The following CENPP variants were observed in gnomAD, a reference collection of about 807,000 sequenced individuals.
CENPP encodes the protein centromere protein P.
A neutral mutation model predicts 35.6 loss-of-function variants in CENPP; 24 were observed. That is an observed-to-expected ratio of 0.67 (90% CI 0.49 to 0.95). The LOEUF (loss-of-function observed/expected upper bound fraction) is 0.95, where lower values mean the gene tolerates loss of function less well. Among genes scored for constraint, CENPP ranks in the 40% least tolerant of loss-of-function variants. CENPP has a pLI of 0.00. For synonymous variants in CENPP, 120 were observed against 125.5 expected, an observed-to-expected ratio of 0.96 and a Z score of 0.29; for missense variants, 332 against 345.3, an observed-to-expected ratio of 0.96 and a Z score of 0.31.
Position 92,615,967 on chromosome 9 carries a change from G to A in CENPP, c.*2818G>A. On this transcript the variant is annotated 3_prime_UTR_variant, in exon 8 of 8. Coordinates refer to ENST00000375587, the MANE Select transcript of CENPP (RefSeq NM_001012267.3). ...CGTCCAGTTTATACTGATGGGGAAT[G>A]CTCTCGTAGGGCTTGAGGTCAAGGT... is the stretch of plus-strand genomic sequence containing the variant. The A allele has an allele frequency of 6.2e-7, 1 of 1,614,094 alleles. No individual in the cohort carries two copies. The highest frequency in any genetic ancestry group is 1.1e-5 in the South Asian group (1 of 91,074).
intron 5 of CENPP, chr9:92,457,099 C>A: frequency 2.9e-6 from 4 of 1,380,364 alleles, no homozygotes; most frequent in Non-Finnish European, 3.7e-6. Flanking sequence ...TTTCTCTCAA[C>A]CCTTATGTAT....
chr9:92,505,811 A>T, intron 5 of CENPP: 1 of 753,250 alleles, frequency 1.3e-6, no homozygotes, highest in Non-Finnish European at 2.1e-6. Flanking sequence ...AGTTTTTTTT[A>T]AACCTTTGTA....
intron 5 of CENPP, among the ~76,000 whole-genome samples, chr9:92,416,108 T>TA (rs1305932430): frequency 2.8e-5 from 4 of 141,344 alleles, no homozygotes; most frequent in African/African-American, 1.0e-4. Flanking sequence ...ATTTTATTTT[T>TA]TTTTTTTTTA....
At chr9:92,374,241 C>CTGTGTGTGTGTG (rs10569730) in intron 4 of CENPP, among the ~76,000 whole-genome samples, 68 of 142,852 alleles carry the variant, frequency 4.8e-4, no homozygotes, top group Non-Finnish European at 5.8e-4. Context: ...TTGCTGTTTG[C>CTGTGTGTGTGTG]TGTGTGTGTG....
chr9:92,469,584 G>A (rs909753373), intron 5 of CENPP, among the ~76,000 whole-genome samples: 2 of 152,148 alleles, frequency 1.3e-5, no homozygotes, highest in African/African-American at 4.8e-5. Flanking sequence ...TTTCTACCCT[G>A]TTCTCTTAGT....
intron 4 of CENPP, among the ~76,000 whole-genome samples, chr9:92,374,954 T>G (rs116384182): frequency 2.3e-3 from 356 of 152,316 alleles, no homozygotes; most frequent in African/African-American, 8.0e-3. Flanking sequence ...AGAGAGAGTT[T>G]TGCTGGATAT....
chr9:92,445,591 A>C (rs1404694170), intron 5 of CENPP, among the ~76,000 whole-genome samples: 1 of 152,140 alleles, frequency 6.6e-6, no homozygotes, highest in African/African-American at 2.4e-5. Flanking sequence ...TACCTCAATA[A>C]AGCTGTTATT....
chr9:92,517,401 A>G (rs1283173863), intron 5 of CENPP: 2 of 568,018 alleles, frequency 3.5e-6, no homozygotes. Context: ...TCTGTTGTAG[A>G]AATTCTGTTA....
chr9:92,381,050 T>C (rs1842230155), intron 5 of CENPP, among the ~76,000 whole-genome samples: 1 of 152,156 alleles, frequency 6.6e-6, no homozygotes, highest in Non-Finnish European at 1.5e-5. Flanking sequence ...TCCACATTGT[T>C]TTGTAACCAT....
chr9:92,471,844 GAC>G (rs1845531327), intron 5 of CENPP, among the ~76,000 whole-genome samples: 1 of 151,866 alleles, frequency 6.6e-6, no homozygotes, highest in African/African-American at 2.4e-5. Flanking sequence ...ATTTTTACTA[GAC>G]ACAGCGTTTC....
chr9:92,561,051 T>A (rs1849837123), intron 5 of CENPP, among the ~76,000 whole-genome samples: 1 of 152,140 alleles, frequency 6.6e-6, no homozygotes, highest in Admixed American at 6.6e-5. Flanking sequence ...CCATTCTTGC[T>A]CTCCCTCATG....
chr9:92,581,366 A>T (rs1193753096), intron 5 of CENPP, among the ~76,000 whole-genome samples: 1 of 152,168 alleles, frequency 6.6e-6, no homozygotes, highest in Non-Finnish European at 1.5e-5. Context: ...CTGTGTCAAG[A>T]AACCAAATAA....
At chr9:92,462,275 G>T (rs1472111934) in intron 5 of CENPP, among the ~76,000 whole-genome samples, 1 of 152,174 alleles carries the variant, frequency 6.6e-6, no homozygotes, top group Non-Finnish European at 1.5e-5. Context: ...ACTGTGCCTG[G>T]CTCTATTCTT....
intron 5 of CENPP, among the ~76,000 whole-genome samples, chr9:92,410,402 A>C (rs1321535715): frequency 6.6e-6 from 1 of 152,128 alleles, no homozygotes; most frequent in Non-Finnish European, 1.5e-5. Context: ...AGCAGAGTTG[A>C]ACTGTTCTTG....
chr9:92,471,115 G>C (rs1458764732), intron 5 of CENPP, among the ~76,000 whole-genome samples: 1 of 152,096 alleles, frequency 6.6e-6, no homozygotes. Context: ...TGTACCTTTG[G>C]CTGAGGAATG....
chr9:92,499,472 T>G (rs972280966), intron 5 of CENPP, among the ~76,000 whole-genome samples: 1 of 152,222 alleles, frequency 6.6e-6, no homozygotes, highest in African/African-American at 2.4e-5. Flanking sequence ...AACATTCATC[T>G]GTGAGTGAAA....
chr9:92,460,403 A>T (rs1845062335), intron 5 of CENPP: 1 of 907,878 alleles, frequency 1.1e-6, no homozygotes. Flanking sequence ...ACAGACAGTG[A>T]TCTCTACCAG....
At chr9:92,345,574 T>A (rs1841269327) in intron 3 of CENPP, 125 bp from the exon 4 acceptor site, 1 of 621,468 alleles carries the variant, frequency 1.6e-6, no homozygotes, top group Non-Finnish European at 2.8e-6. Flanking sequence ...TTGTTTTTGT[T>A]TTGTTTCTGT....
intron 5 of CENPP, among the ~76,000 whole-genome samples, chr9:92,504,816 G>C (rs1846898439): frequency 6.6e-6 from 1 of 152,198 alleles, no homozygotes; most frequent in Non-Finnish European, 1.5e-5. Flanking sequence ...TGGGATTACT[G>C]GCGTGAGCCA....
Sources: allele counts gnomAD v4.1 joint callset (sites outside exome capture counted in the v4.1 genomes callset), GRCh38; gene constraint gnomAD v4.1.1; transcripts MANE v1.5; gene names NCBI Gene and HGNC (gene_info 2026-07-23, HGNC 2026-07-21).